Variants in C1orf198 observed in about 807,000 individuals in gnomAD.
C1orf198 encodes the protein chromosome 1 open reading frame 198.
In C1orf198, 17 loss-of-function variants were observed where a neutral mutation model predicts 31.4. The observed-to-expected ratio is 0.54, with a 90% CI of 0.37 to 0.81. C1orf198 has a LOEUF of 0.81. Ranked by LOEUF, C1orf198 falls within the 40% of genes least tolerant of loss-of-function variation. The probability of loss-of-function intolerance (pLI) is 0.00; values close to 1 mark genes in which losing one functional copy is unlikely to be tolerated. For missense variants in C1orf198, 401 were observed against 450.3 expected, an observed-to-expected ratio of 0.89 and a Z score of 0.99; for synonymous variants, 175 against 193.8, an observed-to-expected ratio of 0.90 and a Z score of 0.81.
intron 3 of C1orf198, among the ~76,000 whole-genome samples, chr1:230,842,931 T>C (rs549311365): frequency 6.6e-6 from 1 of 152,260 alleles, no homozygotes; most frequent in South Asian, 2.1e-4. Flanking sequence ...GCCTGCCTGC[T>C]TTGCCAACAG....
chr1:230,848,038 G>A (rs79093674), intron 2 of C1orf198, among the ~76,000 whole-genome samples: 13,317 of 152,170 alleles, frequency 0.088, 1,881 homozygotes, highest in African/African-American at 0.3. Flanking sequence ...GGGGCGCTGC[G>A]GAAGGGAACC....
rs80202851 is a variant in C1orf198 at position 230,854,335 on chromosome 1, G to A, written c.384+1333C>T. On this transcript the variant is annotated intron_variant, in intron 2 of 3. Transcript: ENST00000366663. ...CCCATTTTGGGAGCCCATAGAAGAG[G>A]AATATTGAGGGCCCTGGCTAAGAAT... Among the ~76,000 whole-genome samples, 446 of 152,204 alleles carry A rather than the reference G, an allele frequency of 2.9e-3. 10 individuals carry two copies. In the East Asian group the frequency reaches 0.063, roughly 21 times the overall value.
upstream of C1orf198, chr1:230,868,718 C>G (rs1287185994): frequency 8.4e-5 from 17 of 201,272 alleles, no homozygotes; most frequent in Admixed American, 1.0e-3. Flanking sequence ...CCCTCCGGGC[C>G]CCCCCCCGCC....
At chr1:230,855,935 C>A in intron 1 of C1orf198, 1 of 1,334,770 alleles carries the variant, frequency 7.5e-7, no homozygotes, top group South Asian at 2.2e-5. Context: ...CACTCCCCTC[C>A]CCAGCCAAAC....
In C1orf198 at chr1:230,843,218, T is replaced by A. The variant is rs562883012; in HGVS notation, c.927+136A>T. On this transcript the variant is annotated intron_variant, in intron 3 of 3. Transcript: ENST00000366663. This position sits in a 1 kb window ranked among gnomAD's most constrained non-coding sequence, Gnocchi z 4.9. ...CTCAGCACCCTGAGCCTAGGCATCC[T>A]CTGAGGAAGAGGCAGGGGAAGGAGA... 5.5e-5 allele frequency: 60 copies of A among 1,081,498 alleles called. No individual in the cohort carries two copies. Among genetic ancestry groups the A allele is most frequent in the Admixed American group, 2.5e-4 (9 of 35,400 alleles). 67.0% of individuals were successfully genotyped at this position (1,081,498 alleles called of 1,614,324 possible).
rs998216577 is a variant in C1orf198, at chr1:230,837,384, TG to T, written c.*2467del. On this transcript the variant is annotated 3_prime_UTR_variant, in exon 4 of 4. Coordinates refer to ENST00000366663, the MANE Select transcript of C1orf198 (RefSeq NM_032800.3). ...AAACAGAGGCTGGTTGCTGATTTCTTGGGGGAACTTTTGTAAAAATGAAGAC... is the reference window on the plus strand; with the variant it reads ...AAACAGAGGCTGGTTGCTGATTTCTTGGGGAACTTTTGTAAAAATGAAGAC... 5.3e-5 allele frequency: 8 copies of T among 152,326 alleles called. No homozygotes were observed. Among genetic ancestry groups the T allele is most frequent in the African/African-American group, 1.4e-4 (6 of 41,538 alleles). 9.4% of individuals were successfully genotyped at this position (152,326 alleles called of 1,614,324 possible). A position where few individuals can be genotyped will look rare whatever the true frequency, so the allele number is the denominator to read the frequency against.
chr1:230,849,511 G>C (rs1669684280), intron 2 of C1orf198, among the ~76,000 whole-genome samples: 1 of 152,138 alleles, frequency 6.6e-6, no homozygotes, highest in Non-Finnish European at 1.5e-5. Flanking sequence ...GCTCTGCTGG[G>C]AGGACTCCCT....
chr1:230,860,285 T>C (rs1253273389), intron 1 of C1orf198, among the ~76,000 whole-genome samples: 4 of 152,222 alleles, frequency 2.6e-5, no homozygotes, highest in Non-Finnish European at 4.4e-5. Context: ...GCAGCCATTA[T>C]ATAAAACGGT....
rs1669896758 is a variant in C1orf198 at position 230,857,212 on chromosome 1, G to A, written c.334-1494C>T. Among the ~76,000 whole-genome samples the A allele has an allele frequency of 6.6e-6, 1 of 152,196 alleles. No individual in the cohort carries two copies. Reference sequence around the variant, plus strand: ...CCAAGAAGCGGGGACAGGGAAGGAAGTGTGTGATGACTCCCCAGCACAGCC... The same window carrying A: ...CCAAGAAGCGGGGACAGGGAAGGAAATGTGTGATGACTCCCCAGCACAGCC... On this transcript the variant is annotated intron_variant, in intron 1 of 3. Coordinates refer to ENST00000366663, the MANE Select transcript of C1orf198 (RefSeq NM_032800.3). The surrounding 1 kb of genome is among the most constrained non-coding windows in gnomAD (Gnocchi z 4.2).
At chr1:230,855,395 G>A (rs1669848513) in intron 2 of C1orf198, among the ~76,000 whole-genome samples, 1 of 152,178 alleles carries the variant, frequency 6.6e-6, no homozygotes, top group African/African-American at 2.4e-5. Flanking sequence ...AAGCTGGCCG[G>A]GAGTCCTAGA....
chr1:230,867,400 T>G (rs1427109917), intron 1 of C1orf198, among the ~76,000 whole-genome samples: 1 of 152,218 alleles, frequency 6.6e-6, no homozygotes, highest in Non-Finnish European at 1.5e-5. Flanking sequence ...CCTTCACAAA[T>G]GACTGTCCCT....
At chr1:230,847,312 T>G (rs1209576788) in intron 2 of C1orf198, among the ~76,000 whole-genome samples, 1 of 151,602 alleles carries the variant, frequency 6.6e-6, no homozygotes, top group Admixed American at 6.6e-5. Flanking sequence ...GAAACAGCCA[T>G]CAAAGCATTG....
At chr1:230,854,162 T>C (rs1233959538) in intron 2 of C1orf198, among the ~76,000 whole-genome samples, 2 of 152,238 alleles carry the variant, frequency 1.3e-5, no homozygotes, top group African/African-American at 4.8e-5. Context: ...TTTATCACTA[T>C]GATATCTTCA....
At chr1:230,852,182 G>A (rs985113041) in intron 2 of C1orf198, among the ~76,000 whole-genome samples, 24 of 152,148 alleles carry the variant, frequency 1.6e-4, no homozygotes, top group African/African-American at 3.4e-4. Context: ...GGAGTGACTC[G>A]GTGGCTATAG....
chr1:230,855,940 CCAAA>C, intron 1 of C1orf198: 1 of 1,330,042 alleles, frequency 7.5e-7, no homozygotes, highest in East Asian at 2.8e-5. Flanking sequence ...CCCTCCCCAG[CCAAA>C]CAGACAACAG....
intron 1 of C1orf198, among the ~76,000 whole-genome samples, chr1:230,860,132 A>G (rs1669975210): frequency 6.6e-6 from 1 of 152,228 alleles, no homozygotes; most frequent in Non-Finnish European, 1.5e-5. Context: ...CAAACTTGCA[A>G]TTAAGTCCAT....
At position 230,838,428 on chromosome 1, in the gene C1orf198, G is replaced by A. The variant is rs1669357885; in HGVS notation, c.*1424C>T. The A allele has an allele frequency of 3.3e-5, 5 of 152,452 alleles. No individual in the cohort carries two copies. The highest frequency in any genetic ancestry group is 2.1e-4 in the South Asian group (1 of 4,824). The allele number at this position is 152,452 out of a possible 1,614,324, so 9.4% of individuals were successfully genotyped here. ...GAAACTTTCCTGGAGATGATGAGGGGTTGAGGTGAGTTGCTATGTGCTTTA... is the reference window on the plus strand; with the variant it reads ...GAAACTTTCCTGGAGATGATGAGGGATTGAGGTGAGTTGCTATGTGCTTTA... On this transcript the variant is annotated 3_prime_UTR_variant, in exon 4 of 4. Coordinates refer to ENST00000366663, the MANE Select transcript of C1orf198 (RefSeq NM_032800.3). The surrounding 1 kb of genome is among the most constrained non-coding windows in gnomAD (Gnocchi z 4.2).
intron 1 of C1orf198, among the ~76,000 whole-genome samples, chr1:230,865,559 G>A (rs565603489): frequency 4.6e-5 from 7 of 152,246 alleles, no homozygotes; most frequent in East Asian, 1.9e-4. Context: ...GTCCCTTCAC[G>A]GCTTCAATAC....
chr1:230,867,552 G>T (rs1228054768), intron 1 of C1orf198, among the ~76,000 whole-genome samples: 2 of 152,132 alleles, frequency 1.3e-5, no homozygotes, highest in Non-Finnish European at 1.5e-5. Context: ...TAAAACATAC[G>T]CTGGGCATTG....
Sources: gnomAD v4.1 joint callset for allele counts (sites outside exome capture counted in the v4.1 genomes callset) on GRCh38, gnomAD v4.1.1 for gene constraint, Gnocchi (gnomAD v3.1) non-coding constraint, MANE v1.5 for transcripts, NCBI Gene and HGNC (gene_info 2026-07-23, HGNC 2026-07-21) for gene names.